Variants in PCNX1 observed in about 807,000 individuals in gnomAD.
The protein encoded by PCNX1 is pecanex 1.
A neutral mutation model predicts 242.2 loss-of-function variants in PCNX1; 78 were observed. That is an observed-to-expected ratio of 0.32 (90% CI 0.27 to 0.39). The LOEUF (loss-of-function observed/expected upper bound fraction) is 0.39. PCNX1 is among the 10% of genes least tolerant of loss of function. PCNX1 has a pLI of 1.00. For synonymous variants in PCNX1, 1,024 were observed against 1,032.9 expected, an observed-to-expected ratio of 0.99 and a Z score of 0.17; for missense variants, 2,581 against 2,856.5, an observed-to-expected ratio of 0.90 and a Z score of 2.20.
intron 8 of PCNX1, among the ~76,000 whole-genome samples, chr14:71,002,438 G>A (rs188521394): frequency 5.9e-5 from 9 of 152,278 alleles, no homozygotes; most frequent in Admixed American, 3.9e-4. Flanking sequence ...TTTAACAGAT[G>A]TGTATACCCG....
chr14:71,086,363 T>G (rs2061989658), intron 28 of PCNX1, among the ~76,000 whole-genome samples: 1 of 152,260 alleles, frequency 6.6e-6, no homozygotes, highest in Admixed American at 6.5e-5. Context: ...GCTACTTGCA[T>G]GCCTGTCAAT....
chr14:71,044,856 C>G (rs1270939206), intron 19 of PCNX1, among the ~76,000 whole-genome samples: 1 of 152,190 alleles, frequency 6.6e-6, no homozygotes, highest in Non-Finnish European at 1.5e-5. Flanking sequence ...GGCAATACAC[C>G]TTAGGCCACT....
chr14:71,099,960 T>C (rs947774592), intron 30 of PCNX1, among the ~76,000 whole-genome samples: 2 of 152,200 alleles, frequency 1.3e-5, no homozygotes, highest in Non-Finnish European at 2.9e-5. Flanking sequence ...TGAGTGTCAT[T>C]GCATGTGAGA....
intron 19 of PCNX1, among the ~76,000 whole-genome samples, chr14:71,041,073 T>C (rs2060689810): frequency 6.6e-6 from 1 of 152,194 alleles, no homozygotes; most frequent in Non-Finnish European, 1.5e-5. Context: ...CGTTCATTCA[T>C]CTGTTGATGG....
chr14:71,089,715 C>G (rs769848641), intron 30 of PCNX1, among the ~76,000 whole-genome samples: 5 of 152,146 alleles, frequency 3.3e-5, no homozygotes, highest in Non-Finnish European at 7.3e-5. Context: ...CCTTCCAGGA[C>G]ACGTGGGGAT....
intron 5 of PCNX1, chr14:70,969,348 A>C (rs1259444865): frequency 7.0e-6 from 3 of 426,078 alleles, no homozygotes; most frequent in East Asian, 9.2e-5. Flanking sequence ...TTCTATGAGC[A>C]TATGCCCCAG....
Position 71,076,408 on chromosome 14 carries a change from C to A in PCNX1, c.5326C>A (p.Arg1776=), listed in dbSNP as rs756832859. The A allele has an allele frequency of 6.3e-7, 1 of 1,583,934 alleles. No homozygotes were observed. The highest frequency in any genetic ancestry group is 8.7e-7 in the Non-Finnish European group (1 of 1,152,930). ...CAACTGGATAGAGTACTGCTCTTCC[C>A]GAAGAGCAAAGGTAGAGTTTATTTC... The part of the protein sequence containing the change: ...YLNWIEYCSS[R]RAKPVDVDKD... Residue 1776 remains arginine (R), a synonymous_variant, in exon 28 of 36, where the codon CGA becomes AGA. Coordinates refer to ENST00000304743, the MANE Select transcript of PCNX1 (RefSeq NM_014982.3).
At chr14:71,021,118 T>G (rs1163992175) in intron 12 of PCNX1, among the ~76,000 whole-genome samples, 2 of 151,904 alleles carry the variant, frequency 1.3e-5, no homozygotes, top group Non-Finnish European at 2.9e-5. Flanking sequence ...CCATTGGTCT[T>G]TATATCTGTT....
In PCNX1 at chr14:71,114,373, A is replaced by ATTAT. The variant is rs1449879009; in HGVS notation, c.*4440_*4443dup. The ATTAT allele has an allele frequency of 6.6e-6, 1 of 152,238 alleles. No homozygotes were observed. Among genetic ancestry groups the ATTAT allele is most frequent in the African/African-American group, 2.4e-5 (1 of 41,474 alleles). The allele number at this position is 152,238 out of a possible 1,614,324, so 9.4% of individuals were successfully genotyped here. ...AAGAACTGTGATTGGAAAGGAATTA[A>ATTAT]TTATTATACAAATAAATCTGGTAGG... On this transcript the variant is annotated 3_prime_UTR_variant, in exon 36 of 36. Coordinates refer to ENST00000304743, the MANE Select transcript of PCNX1 (RefSeq NM_014982.3).
intron 14 of PCNX1, 54 bp from the exon 15 acceptor site, chr14:71,026,718 A>G (rs1045123456): frequency 2.6e-6 from 2 of 762,602 alleles, no homozygotes; most frequent in African/African-American, 3.6e-5. Context: ...CTCAGTGGAC[A>G]CAAGAATGGA....
chr14:70,978,539 AT>A lies in PCNX1; in HGVS notation c.2203del (p.Ser735LeufsTer3). 6.2e-7 allele frequency: 1 copy of A among 1,614,156 alleles called. No homozygotes were observed. Among genetic ancestry groups the A allele is most frequent in the Non-Finnish European group, 8.5e-7 (1 of 1,180,014 alleles). ...AKEGEVLDELSLLGRASQLET... is the reference protein window; with the variant it reads ...AKEGEVLDELXLLGRASQLET... ...AAGAGGGAGAGGTGCTAGATGAGCT[AT>A]CTTTATTAGGACGGGCTTCCCAGTT... is the stretch of plus-strand genomic sequence containing the variant. On this transcript the variant is annotated frameshift_variant, in exon 6 of 36. Coordinates refer to ENST00000304743, the MANE Select transcript of PCNX1 (RefSeq NM_014982.3). LOFTEE classifies it high-confidence loss of function.
At chr14:70,956,857 A>AGTAAGAGGAGAATAATAACT (rs1300347582) in intron 2 of PCNX1, among the ~76,000 whole-genome samples, 6 of 152,144 alleles carry the variant, frequency 3.9e-5, no homozygotes, top group African/African-American at 1.4e-4. Context: ...TTTTTTCAAC[A>AGTAAGAGGAGAATAATAACT]GTAAGAGGAG....
chr14:71,007,011 A>G (rs996199499), intron 8 of PCNX1, among the ~76,000 whole-genome samples: 1 of 152,180 alleles, frequency 6.6e-6, no homozygotes, highest in Non-Finnish European at 1.5e-5. Context: ...GAAAAAAAGA[A>G]AAGCACTGTT....
At chr14:71,081,047 G>A (rs985558424) in intron 28 of PCNX1, among the ~76,000 whole-genome samples, 7 of 151,982 alleles carry the variant, frequency 4.6e-5, no homozygotes, top group Non-Finnish European at 4.4e-5. Context: ...GGTTCCATCA[G>A]TACCTAGTTT....
intron 2 of PCNX1, among the ~76,000 whole-genome samples, chr14:70,951,354 T>C (rs2057769886): frequency 6.6e-6 from 1 of 152,102 alleles, no homozygotes; most frequent in Non-Finnish European, 1.5e-5. Flanking sequence ...TTTGATATTA[T>C]TATTTTTTTG....
At chr14:71,067,857 T>TTA (rs934664697) in intron 26 of PCNX1, among the ~76,000 whole-genome samples, 1 of 152,126 alleles carries the variant, frequency 6.6e-6, no homozygotes, top group African/African-American at 2.4e-5. Context: ...CTTCATTTCG[T>TTA]TATATATATC....
Position 71,007,066 on chromosome 14 carries a change from T to C in PCNX1, c.2630-2568T>C, listed in dbSNP as rs150067796. Among the ~76,000 whole-genome samples the C allele has an allele frequency of 8.9e-4, 135 of 152,312 alleles. 2 individuals carry two copies. In the East Asian group the frequency reaches 0.018, roughly 20 times the overall value. ...AAAATCATAGCCTCTCTTTTAGACA[T>C]ATTTATGCTTCTGCTTACATTTTTA... On this transcript the variant is annotated intron_variant, in intron 8 of 35. Coordinates refer to ENST00000304743, the MANE Select transcript of PCNX1 (RefSeq NM_014982.3).
chr14:71,079,721 C>A (rs28762775), intron 28 of PCNX1, among the ~76,000 whole-genome samples: 1 of 151,454 alleles, frequency 6.6e-6, no homozygotes, highest in African/African-American at 2.4e-5. Context: ...ACTTTTGGAT[C>A]GGGTTTTTTT....
At chr14:70,986,616 C>T (rs992532997) in intron 6 of PCNX1, among the ~76,000 whole-genome samples, 2 of 152,188 alleles carry the variant, frequency 1.3e-5, no homozygotes, top group African/African-American at 2.4e-5. Context: ...TGTTTCTCTT[C>T]TTCCTGTTCT....
Sources: allele counts gnomAD v4.1 joint callset (sites outside exome capture counted in the v4.1 genomes callset), GRCh38; gene constraint gnomAD v4.1.1; transcripts MANE v1.5; gene names NCBI Gene and HGNC (gene_info 2026-07-23, HGNC 2026-07-21).